The following NR6A1 variants were observed in gnomAD, a reference collection of about 807,000 sequenced individuals.
NR6A1 encodes nuclear receptor subfamily 6 group A member 1.
NR6A1 carries 7 observed loss-of-function variants against 59.1 expected under a neutral mutation model. The ratio of observed to expected loss-of-function variants is 0.12; its 90% CI spans 0.07 to 0.22. The LOEUF is 0.22. Ranked by LOEUF, NR6A1 falls within the 10% of genes least tolerant of loss-of-function variation. The pLI is 1.00. For missense variants in NR6A1, 468 were observed against 611.6 expected, an observed-to-expected ratio of 0.77 and a Z score of 2.48; for synonymous variants, 243 against 236.1, an observed-to-expected ratio of 1.03 and a Z score of -0.27.
chr9:124,692,827 G>A lies in NR6A1; in HGVS notation c.142+40481C>T, dbSNP rs554707727. ...GCACCATTCTGGTGAGAAACAGGACGTAGCAAGTAAAAATTTATTAAAAAT... is the reference window on the plus strand; with the variant it reads ...GCACCATTCTGGTGAGAAACAGGACATAGCAAGTAAAAATTTATTAAAAAT... On this transcript the variant is annotated intron_variant, in intron 2 of 9. Coordinates refer to ENST00000487099, the MANE Select transcript of NR6A1 (RefSeq NM_033334.4). Among the ~76,000 whole-genome samples the A allele has an allele frequency of 6.0e-4, 92 of 152,276 alleles. 1 individual carries two copies. The South Asian group carries it at 0.018, about 30-fold the overall frequency.
At chr9:124,549,223 G>A (rs1833695699) in intron 3 of NR6A1, among the ~76,000 whole-genome samples, 3 of 129,168 alleles carry the variant, frequency 2.3e-5, no homozygotes, top group Admixed American at 2.0e-4. Context: ...AGGAGTAGAA[G>A]AAGGGGTGGA....
intron 7 of NR6A1, among the ~76,000 whole-genome samples, chr9:124,533,112 T>C (rs538714559): frequency 6.6e-6 from 1 of 152,222 alleles, no homozygotes; most frequent in African/African-American, 2.4e-5. Flanking sequence ...GCAAACCCAT[T>C]ACTTGGAAGT....
intron 1 of NR6A1, among the ~76,000 whole-genome samples, chr9:124,760,924 C>T (rs1351221271): frequency 6.6e-6 from 1 of 152,196 alleles, no homozygotes; most frequent in African/African-American, 2.4e-5. Flanking sequence ...TTCCAAAAAA[C>T]AAAGCCCTCT....
intron 2 of NR6A1, among the ~76,000 whole-genome samples, chr9:124,695,109 T>G (rs1838702392): frequency 6.6e-6 from 1 of 152,224 alleles, no homozygotes; most frequent in South Asian, 2.1e-4. Flanking sequence ...ACATTTCATG[T>G]CATCCACTTT....
chr9:124,590,114 T>TCACACTG (rs1835073102), intron 2 of NR6A1, among the ~76,000 whole-genome samples: 1 of 121,346 alleles, frequency 8.2e-6, no homozygotes. Context: ...ACTGTAGCCA[T>TCACACTG]CACACTGAAG....
intron 2 of NR6A1, among the ~76,000 whole-genome samples, chr9:124,655,056 T>C (rs1292468657): frequency 6.6e-6 from 1 of 152,162 alleles, no homozygotes; most frequent in Non-Finnish European, 1.5e-5. Context: ...GTTCAGCAAT[T>C]AGTTGTTCAG....
intron 2 of NR6A1, among the ~76,000 whole-genome samples, chr9:124,613,052 C>A (rs1835800128): frequency 6.6e-6 from 1 of 152,132 alleles, no homozygotes; most frequent in African/African-American, 2.4e-5. Context: ...TTTTAAAATT[C>A]AAAGCCAGGA....
At chr9:124,717,037 G>T (rs990551951) in intron 2 of NR6A1, among the ~76,000 whole-genome samples, 1 of 152,310 alleles carries the variant, frequency 6.6e-6, no homozygotes, top group South Asian at 2.1e-4. Flanking sequence ...ATCAAGAAAT[G>T]CAAGTTTAAA....
chr9:124,597,742 C>T (rs557473282), intron 2 of NR6A1, among the ~76,000 whole-genome samples: 9 of 152,318 alleles, frequency 5.9e-5, no homozygotes, highest in South Asian at 2.1e-4. Flanking sequence ...CTCAGTCCCA[C>T]AAGTTTTTTG....
chr9:124,524,957 A>G, intron 8 of NR6A1, 84 bp from the exon 9 acceptor site: 1 of 1,434,490 alleles, frequency 7.0e-7, no homozygotes, highest in East Asian at 2.4e-5. Context: ...CTCCTTAAAT[A>G]TGTTCATTTT....
Position 124,721,362 on chromosome 9 carries a change from G to C in NR6A1, c.142+11946C>G, listed in dbSNP as rs116568001. On this transcript the variant is annotated intron_variant, in intron 2 of 9. Coordinates refer to ENST00000487099, the MANE Select transcript of NR6A1 (RefSeq NM_033334.4). ...CTGGATCTCATACCACCCCTACCCT[G>C]ATCAAAACAATCCTTATCAGAAGGG... 2.4e-3 allele frequency among the ~76,000 whole-genome samples: 368 copies of C among 152,272 alleles called. 2 individuals are homozygous for C. Among genetic ancestry groups the C allele is most frequent in the African/African-American group, 8.5e-3 (352 of 41,546 alleles).
intron 2 of NR6A1, among the ~76,000 whole-genome samples, chr9:124,661,530 T>G (rs934240317): frequency 6.6e-6 from 1 of 152,240 alleles, no homozygotes; most frequent in Admixed American, 6.5e-5. Flanking sequence ...ATTTATCAAA[T>G]GAGACCATGA....
At chr9:124,641,301 G>A (rs941981687) in intron 2 of NR6A1, among the ~76,000 whole-genome samples, 1 of 150,076 alleles carries the variant, frequency 6.7e-6, no homozygotes, top group Non-Finnish European at 1.5e-5. Context: ...AGAGGTTGCC[G>A]TGAGCCGAGA....
At chr9:124,730,915 T>C (rs1283686848) in intron 2 of NR6A1, among the ~76,000 whole-genome samples, 1 of 152,148 alleles carries the variant, frequency 6.6e-6, no homozygotes, top group Non-Finnish European at 1.5e-5. Flanking sequence ...GCTATACTTA[T>C]TTATCTGTGT....
At chr9:124,704,167 T>A (rs556639457) in intron 2 of NR6A1, among the ~76,000 whole-genome samples, 20 of 152,350 alleles carry the variant, frequency 1.3e-4, no homozygotes, top group Non-Finnish European at 2.5e-4. Flanking sequence ...ATAAAGTTGA[T>A]CATGGCAAAT....
At chr9:124,747,182 T>A (rs1018834665) in intron 1 of NR6A1, among the ~76,000 whole-genome samples, 2 of 144,444 alleles carry the variant, frequency 1.4e-5, no homozygotes, top group African/African-American at 5.1e-5. Context: ...ACAGACCTTG[T>A]CTGACTTTTT....
chr9:124,634,188 A>G (rs2130887079), intron 2 of NR6A1, among the ~76,000 whole-genome samples: 1 of 152,342 alleles, frequency 6.6e-6, no homozygotes, highest in East Asian at 1.9e-4. Context: ...GATTTTTAAT[A>G]AGGAAAAGCT....
At chr9:124,735,292 T>C (rs1839991788) in intron 1 of NR6A1, among the ~76,000 whole-genome samples, 1 of 152,060 alleles carries the variant, frequency 6.6e-6, no homozygotes, top group African/African-American at 2.4e-5. Flanking sequence ...AACAATGAAA[T>C]ATGGAAAACA....
intron 2 of NR6A1, among the ~76,000 whole-genome samples, chr9:124,560,555 T>A (rs1453111563): frequency 1.3e-5 from 2 of 152,160 alleles, no homozygotes; most frequent in Non-Finnish European, 2.9e-5. Flanking sequence ...GTTATTCAAT[T>A]GGTTTTGTCT....
Sources: allele counts gnomAD v4.1 joint callset (sites outside exome capture counted in the v4.1 genomes callset), GRCh38; gene constraint gnomAD v4.1.1; transcripts MANE v1.5; gene names NCBI Gene and HGNC (gene_info 2026-07-23, HGNC 2026-07-21).